AUH: variants seen among roughly 807,000 people sequenced by gnomAD.
AUH encodes AU RNA binding methylglutaconyl-CoA hydratase.
AUH carries 29 observed loss-of-function variants against 42.3 expected under a neutral mutation model. The observed-to-expected ratio is 0.69, with a 90% CI of 0.51 to 0.93. The LOEUF (loss-of-function observed/expected upper bound fraction) is 0.93, where lower values mean the gene tolerates loss of function less well. Among genes scored for constraint, AUH ranks in the 40% least tolerant of loss-of-function variants. The probability of loss-of-function intolerance (pLI) is 0.00; values close to 1 mark genes in which losing one functional copy is unlikely to be tolerated. For synonymous variants in AUH, 174 were observed against 166.4 expected, an observed-to-expected ratio of 1.05 and a Z score of -0.35; for missense variants, 452 against 438.1, an observed-to-expected ratio of 1.03 and a Z score of -0.28.
At chr9:91,277,281 A>T (rs542587159) in intron 6 of AUH, among the ~76,000 whole-genome samples, 7 of 152,364 alleles carry the variant, frequency 4.6e-5, no homozygotes, top group African/African-American at 1.4e-4. Flanking sequence ...ATTTAGCATG[A>T]AAGAATAATA....
At chr9:91,277,405 T>C (rs1825631385) in intron 6 of AUH, among the ~76,000 whole-genome samples, 1 of 151,842 alleles carries the variant, frequency 6.6e-6, no homozygotes. Context: ...TTCAAGAGAG[T>C]TCCTTAACAT....
intron 6 of AUH, among the ~76,000 whole-genome samples, chr9:91,283,189 T>C (rs149643535): frequency 0.071 from 10,873 of 152,218 alleles, 665 homozygotes; most frequent in East Asian, 0.25. Context: ...ATCCAGCATA[T>C]AAACAGAACC....
intron 6 of AUH, among the ~76,000 whole-genome samples, chr9:91,266,732 T>G (rs1411888381): frequency 9.2e-5 from 14 of 152,214 alleles, no homozygotes. Flanking sequence ...TACTCTTCTT[T>G]AACAAGTAAT....
At chr9:91,354,199 G>A (rs569231356) in intron 3 of AUH, among the ~76,000 whole-genome samples, 1 of 151,808 alleles carries the variant, frequency 6.6e-6, no homozygotes, top group East Asian at 1.9e-4. Context: ...AAAACCTTTC[G>A]GAGAAATCTG....
At chr9:91,351,219 C>T (rs117038272) in intron 3 of AUH, among the ~76,000 whole-genome samples, 17 of 152,270 alleles carry the variant, frequency 1.1e-4, no homozygotes, top group Admixed American at 3.9e-4. Flanking sequence ...CAACTGCCTA[C>T]CTCGGCCTCC....
intron 4 of AUH, among the ~76,000 whole-genome samples, chr9:91,306,969 A>C (rs919892160): frequency 1.3e-5 from 2 of 152,184 alleles, no homozygotes; most frequent in Non-Finnish European, 2.9e-5. Context: ...CTATTGATCA[A>C]AAAAAAGCGA....
chr9:91,255,575 G>GT (rs1446588856), intron 6 of AUH, among the ~76,000 whole-genome samples: 2 of 151,702 alleles, frequency 1.3e-5, no homozygotes, highest in African/African-American at 4.9e-5. Context: ...GATAAATATA[G>GT]TAACAGATGC....
At chr9:91,257,736 C>A (rs1442608212) in intron 6 of AUH, among the ~76,000 whole-genome samples, 1 of 152,168 alleles carries the variant, frequency 6.6e-6, no homozygotes. Context: ...GTTTAATCTA[C>A]CAACTTTGCT....
At chr9:91,319,285 C>A (rs1421442397) in intron 4 of AUH, among the ~76,000 whole-genome samples, 4 of 152,174 alleles carry the variant, frequency 2.6e-5, no homozygotes, top group Non-Finnish European at 4.4e-5. Context: ...TAATGCTTAG[C>A]TATTTATCAT....
chr9:91,352,271 T>C (rs1277619763), intron 3 of AUH, among the ~76,000 whole-genome samples: 1 of 151,956 alleles, frequency 6.6e-6, no homozygotes, highest in Non-Finnish European at 1.5e-5. Flanking sequence ...AGACCCCGTC[T>C]CAAAAAAATA....
intron 5 of AUH, among the ~76,000 whole-genome samples, chr9:91,297,535 GGAA>G (rs1419617477): frequency 6.6e-6 from 1 of 151,934 alleles, no homozygotes; most frequent in Non-Finnish European, 1.5e-5. Flanking sequence ...CCTCTAAAGA[GGAA>G]GATATTGGCC....
At chr9:91,298,988 G>A (rs1042141509) in intron 4 of AUH, among the ~76,000 whole-genome samples, 1 of 152,166 alleles carries the variant, frequency 6.6e-6, no homozygotes, top group Non-Finnish European at 1.5e-5. Flanking sequence ...GGAGGCCGAG[G>A]TGGGAGGATC....
intron 4 of AUH, among the ~76,000 whole-genome samples, chr9:91,316,476 C>T (rs1452747982): frequency 6.6e-6 from 1 of 152,212 alleles, no homozygotes; most frequent in Non-Finnish European, 1.5e-5. Flanking sequence ...TAAGCAGTTA[C>T]ACCAGTTCAG....
intron 7 of AUH, among the ~76,000 whole-genome samples, chr9:91,219,886 T>C (rs1030167227): frequency 2.0e-5 from 3 of 152,234 alleles, no homozygotes; most frequent in Middle Eastern, 6.3e-3. Context: ...TGGAATCTCA[T>C]GGCATTCCCA....
chr9:91,258,784 T>C (rs2131428327), intron 6 of AUH, among the ~76,000 whole-genome samples: 1 of 152,354 alleles, frequency 6.6e-6, no homozygotes, highest in South Asian at 2.1e-4. Flanking sequence ...TTAAATTCTG[T>C]CCAATGCTTT....
chr9:91,356,797 C>A (rs138345622), intron 1 of AUH, among the ~76,000 whole-genome samples: 47 of 152,270 alleles, frequency 3.1e-4, no homozygotes, highest in African/African-American at 1.0e-3. Context: ...AGAATGCATC[C>A]CCTACTTAAA....
At chr9:91,320,528 T>C (rs1339589049) in intron 4 of AUH, among the ~76,000 whole-genome samples, 1 of 152,216 alleles carries the variant, frequency 6.6e-6, no homozygotes, top group African/African-American at 2.4e-5. Context: ...GATTTCTGTA[T>C]GTCACTTCCT....
intron 6 of AUH, among the ~76,000 whole-genome samples, chr9:91,237,345 G>A (rs569137223): frequency 4.6e-5 from 7 of 152,256 alleles, no homozygotes; most frequent in East Asian, 3.9e-4. Flanking sequence ...AATTTCTTTC[G>A]TTGGTACTCA....
rs911066402 is a variant in AUH at position 91,292,075 on chromosome 9, G to A, written c.655+3946C>T. The stretch of plus-strand genomic sequence containing the variant: ...AGACCAAAAATTTCAGATTTATTGG[G>A]TGATGCAAGATTTCATTATCAATTT... On this transcript the variant is annotated intron_variant, in intron 6 of 9. Coordinates refer to ENST00000375731, the MANE Select transcript of AUH (RefSeq NM_001698.3). 3.9e-5 allele frequency among the ~76,000 whole-genome samples: 6 copies of A among 152,074 alleles called. 1 individual carries two copies. The highest frequency in any genetic ancestry group is 1.4e-4 in the African/African-American group (6 of 41,418).
Sources: allele counts gnomAD v4.1 joint callset (sites outside exome capture counted in the v4.1 genomes callset), GRCh38; gene constraint gnomAD v4.1.1; transcripts MANE v1.5; gene names NCBI Gene and HGNC (gene_info 2026-07-23, HGNC 2026-07-21).